FERMT2: variants seen among roughly 807,000 people sequenced by gnomAD.
FERMT2 encodes FERM domain containing kindlin 2.
FERMT2 carries 15 observed loss-of-function variants against 82.7 expected under a neutral mutation model. The observed-to-expected ratio is 0.18, with a 90% CI of 0.12 to 0.28. The LOEUF (loss-of-function observed/expected upper bound fraction) is 0.28. FERMT2 is among the 10% of genes least tolerant of loss of function. The pLI is 1.00. For missense variants in FERMT2, 645 were observed against 809.4 expected, an observed-to-expected ratio of 0.80 and a Z score of 2.46; for synonymous variants, 274 against 271.5, an observed-to-expected ratio of 1.01 and a Z score of -0.09.
At chr14:52,943,963 T>C (rs1890210220) in intron 2 of FERMT2, among the ~76,000 whole-genome samples, 1 of 152,204 alleles carries the variant, frequency 6.6e-6, no homozygotes, top group Admixed American at 6.5e-5. Flanking sequence ...ATAAGTTAAC[T>C]CTAGTTGGAA....
chr14:52,858,779 A>T (rs1884720941), intron 14 of FERMT2: 2 of 445,190 alleles, frequency 4.5e-6, no homozygotes, highest in African/African-American at 3.9e-5. Context: ...AAGGAAGACT[A>T]GGAATGCAAG....
At chr14:52,920,000 T>C (rs1321157891) in intron 2 of FERMT2, among the ~76,000 whole-genome samples, 2 of 152,210 alleles carry the variant, frequency 1.3e-5, no homozygotes, top group Non-Finnish European at 2.9e-5. Flanking sequence ...TGCCCAACAT[T>C]TTTCTCTGAG....
Position 52,858,262 on chromosome 14 carries a change from G to T in FERMT2, c.*115C>A. On this transcript the variant is annotated 3_prime_UTR_variant, in exon 15 of 15. Transcript: ENST00000341590. ...TTAACTGGTCTGGTAAGGCAAAGAA[G>T]TTTTCATGATAAAATGATAAATTTC... 1 of 915,606 alleles carries T rather than the reference G, an allele frequency of 1.1e-6. No individual in the cohort carries two copies. The highest frequency in any genetic ancestry group is 1.7e-6 in the Non-Finnish European group (1 of 591,940). 56.7% of individuals were successfully genotyped at this position (915,606 alleles called of 1,614,324 possible). A position where few individuals can be genotyped will look rare whatever the true frequency, so the allele number is the denominator to read the frequency against.
At chr14:52,919,069 G>T in intron 3 of FERMT2, 54 bp downstream of exon 3, 3 of 1,242,670 alleles carry the variant, frequency 2.4e-6, no homozygotes, top group Non-Finnish European at 2.3e-6. Flanking sequence ...TCAGTCATCG[G>T]TCATCTGTAC....
intron 2 of FERMT2, among the ~76,000 whole-genome samples, chr14:52,924,289 T>C (rs372435710): frequency 1.4e-4 from 22 of 152,152 alleles, no homozygotes; most frequent in East Asian, 7.7e-4. Flanking sequence ...GGTGTTACTA[T>C]GTATGAGATA....
intron 2 of FERMT2, among the ~76,000 whole-genome samples, chr14:52,950,095 T>C (rs1890555891): frequency 1.3e-5 from 2 of 152,184 alleles, no homozygotes; most frequent in African/African-American, 4.8e-5. Context: ...TCCTCATTCT[T>C]TTATCGTTCT....
chr14:52,917,298 G>A (rs1181706904), intron 3 of FERMT2, among the ~76,000 whole-genome samples: 6 of 148,702 alleles, frequency 4.0e-5, no homozygotes, highest in Non-Finnish European at 7.5e-5. Flanking sequence ...GTGTGTGTAT[G>A]TGTGTGTCTG....
intron 2 of FERMT2, among the ~76,000 whole-genome samples, chr14:52,927,592 T>TAAAAAACAAAA (rs1889351801): frequency 3.0e-5 from 1 of 33,714 alleles, no homozygotes; most frequent in Non-Finnish European, 5.1e-5. Context: ...CTCATCCCTA[T>TAAAAAACAAAA]AAAAAAAAAA....
chr14:52,941,650 C>T (rs1890095917), intron 2 of FERMT2, among the ~76,000 whole-genome samples: 2 of 152,064 alleles, frequency 1.3e-5, no homozygotes, highest in Non-Finnish European at 2.9e-5. Flanking sequence ...TTTAAATGTT[C>T]CATGGCATAA....
intron 3 of FERMT2, among the ~76,000 whole-genome samples, chr14:52,913,870 G>A (rs936251249): frequency 2.0e-5 from 3 of 152,048 alleles, no homozygotes; most frequent in South Asian, 2.1e-4. Flanking sequence ...AAAAAGTGAC[G>A]AGATTTGATG....
rs772472677 is a variant in FERMT2 at position 52,900,104 on chromosome 14, TTTTG to T, written c.392-6681_392-6678del. Among the ~76,000 whole-genome samples the T allele has an allele frequency of 1.8e-4, 28 of 152,214 alleles. No individual in the cohort carries two copies. In the East Asian group the frequency reaches 3.3e-3, roughly 18 times the overall value. ...TAACAGAATATATAGCAATGTTTTT[TTTTG>T]TTTGTTTGTTTGTTTTAAAGATAGG... On this transcript the variant is annotated intron_variant, in intron 3 of 14. Coordinates refer to ENST00000341590, the MANE Select transcript of FERMT2 (RefSeq NM_006832.3).
chr14:52,862,572 G>A (rs1222783304), intron 12 of FERMT2: 1 of 152,596 alleles, frequency 6.6e-6, no homozygotes, highest in Non-Finnish European at 1.5e-5. Context: ...GGAGGCTGAG[G>A]TGGGAGGATT....
chr14:52,911,188 C>A (rs1277774126), intron 3 of FERMT2, among the ~76,000 whole-genome samples: 1 of 152,112 alleles, frequency 6.6e-6, no homozygotes, highest in Non-Finnish European at 1.5e-5. Flanking sequence ...CAAAAGCAAC[C>A]ACAGACAATA....
intron 3 of FERMT2, among the ~76,000 whole-genome samples, chr14:52,902,106 T>G (rs1887686112): frequency 6.6e-6 from 1 of 151,976 alleles, no homozygotes; most frequent in Non-Finnish European, 1.5e-5. Context: ...TAAAAAACAA[T>G]GAGAGGCCGG....
intron 2 of FERMT2, among the ~76,000 whole-genome samples, chr14:52,939,713 T>C (rs554832234): frequency 4.7e-4 from 71 of 152,310 alleles, no homozygotes; most frequent in Admixed American, 1.2e-3. Flanking sequence ...TGCCTCTCAG[T>C]CTATGCTCCA....
chr14:52,948,438 GC>G, intron 2 of FERMT2: 1 of 379,948 alleles, frequency 2.6e-6, no homozygotes, highest in Middle Eastern at 3.6e-4. Context: ...GCATCACTTA[GC>G]TCTACTTTTA....
At chr14:52,936,877 G>A (rs772779631) in intron 2 of FERMT2, among the ~76,000 whole-genome samples, 7 of 151,958 alleles carry the variant, frequency 4.6e-5, no homozygotes, top group Non-Finnish European at 8.8e-5. Flanking sequence ...TCTTTAGGTC[G>A]GGAGCAGTGG....
At position 52,875,292 on chromosome 14, in the gene FERMT2, A is replaced by G. The variant is rs755880069; in HGVS notation, c.1029T>C (p.Val343=). 3.7e-6 allele frequency: 6 copies of G among 1,612,822 alleles called. No individual in the cohort carries two copies. Among genetic ancestry groups the G allele is most frequent in the Non-Finnish European group, 5.1e-6 (6 of 1,178,972 alleles). Residue 343 remains valine (V), a synonymous_variant, in exon 8 of 15, where the codon GTT becomes GTC. Transcript: ENST00000341590. The part of the protein sequence containing the change: ...ENHLNNSDKE[V]DEVDAALSDL... The stretch of plus-strand genomic sequence containing the variant: ...CTGAAAGGGCAGCATCAACTTCATC[A>G]ACTTCTTTGTCACTGTTGTTCAAAT...
intron 7 of FERMT2, among the ~76,000 whole-genome samples, chr14:52,877,088 C>A (rs1435887111): frequency 6.6e-6 from 1 of 152,140 alleles, no homozygotes; most frequent in East Asian, 1.9e-4. Flanking sequence ...CCTGTGAGAA[C>A]ACAACTGTGT....
Sources: allele counts gnomAD v4.1 joint callset (sites outside exome capture counted in the v4.1 genomes callset), GRCh38; gene constraint gnomAD v4.1.1; transcripts MANE v1.5; gene names NCBI Gene and HGNC (gene_info 2026-07-23, HGNC 2026-07-21).